Variants in ABHD5 observed in about 807,000 individuals in gnomAD.
ABHD5 encodes abhydrolase domain containing 5, lysophosphatidic acid acyltransferase, also known as 1-acylglycerol-3-phosphate O-acyltransferase ABHD5.
ABHD5 carries 30 observed loss-of-function variants against 44.9 expected under a neutral mutation model. The observed-to-expected ratio is 0.67, with a 90% confidence interval of 0.50 to 0.91. The LOEUF (loss-of-function observed/expected upper bound fraction) is 0.91. ABHD5 is among the 40% of genes least tolerant of loss of function. The pLI, the probability that ABHD5 is intolerant of heterozygous loss-of-function variation, is 0.00. For synonymous variants in ABHD5, 167 were observed against 147.0 expected, an observed-to-expected ratio of 1.14 and a Z score of -0.99; for missense variants, 399 against 423.4, an observed-to-expected ratio of 0.94 and a Z score of 0.50.
At chr3:43,711,297 G>A (rs938253752) in intron 3 of ABHD5, among the ~76,000 whole-genome samples, 1 of 152,192 alleles carries the variant, frequency 6.6e-6, no homozygotes, top group African/African-American at 2.4e-5. Context: ...ATAAGAATGT[G>A]ATATTGATCT....
chr3:43,700,638 A>G (rs372066728), intron 2 of ABHD5, among the ~76,000 whole-genome samples: 1 of 151,836 alleles, frequency 6.6e-6, no homozygotes, highest in Non-Finnish European at 1.5e-5. Context: ...CAGTGGCACA[A>G]TCTCAGCTCA....
At chr3:43,730,413 G>A (rs1165396080) in intron 7 of ABHD5, among the ~76,000 whole-genome samples, 1 of 151,864 alleles carries the variant, frequency 6.6e-6, no homozygotes, top group African/African-American at 2.4e-5. Context: ...TGGACTTCCT[G>A]GATCTGTCTT....
Position 43,702,399 on chromosome 3 carries a change from T to A in ABHD5, c.318T>A (p.Ala106=). 7.4e-6 allele frequency: 12 copies of A among 1,614,234 alleles called. No individual in the cohort carries two copies. The highest frequency in any genetic ancestry group is 1.0e-5 in the Non-Finnish European group (12 of 1,180,050). ...GDLCTNRPVY[A]FDLLGFGRSS... Reference sequence around the variant, plus strand: ...TTTGCACCAACAGACCTGTCTATGCTTTTGACCTATTGGGTTTTGGACGAA... The same window carrying A: ...TTTGCACCAACAGACCTGTCTATGCATTTGACCTATTGGGTTTTGGACGAA... The change falls in exon 3 of 7, where the codon GCT becomes GCA. Residue 106 remains alanine, a synonymous_variant. Coordinates refer to ENST00000644371, the MANE Select transcript of ABHD5 (RefSeq NM_016006.6).
At chr3:43,702,056 A>G in intron 2 of ABHD5, 159 bp from the exon 3 acceptor site, 1 of 662,990 alleles carries the variant, frequency 1.5e-6, no homozygotes, top group Non-Finnish European at 2.5e-6. Context: ...AGGATTATTT[A>G]CTTCAATAAA....
chr3:43,726,914 G>A (rs1186092370), downstream of ABHD5, among the ~76,000 whole-genome samples: 1 of 152,242 alleles, frequency 6.6e-6, no homozygotes, highest in East Asian at 1.9e-4. Context: ...GTGGTTTATC[G>A]GGCAGTTCAT....
intron 1 of ABHD5, among the ~76,000 whole-genome samples, chr3:43,697,650 A>C (rs911407449): frequency 2.6e-5 from 4 of 152,208 alleles, no homozygotes; most frequent in African/African-American, 9.6e-5. Flanking sequence ...ACATGTAATC[A>C]TATGAAATTT....
At chr3:43,690,898 C>T (rs1029601156), upstream of ABHD5, 7 of 1,366,248 alleles carry the variant, frequency 5.1e-6, no homozygotes, top group Non-Finnish European at 6.7e-6. Flanking sequence ...GCGCTGGCGG[C>T]CTGCGCCGCC....
intron 2 of ABHD5, 38 bp from the exon 3 acceptor site, chr3:43,702,177 T>A: frequency 1.9e-6 from 3 of 1,558,758 alleles, no homozygotes; most frequent in Non-Finnish European, 2.6e-6. Flanking sequence ...TCAGAAGTAA[T>A]AAAATGAAAC....
At chr3:43,732,867 A>G (rs769251457) in intron 7 of ABHD5, among the ~76,000 whole-genome samples, 5 of 152,182 alleles carry the variant, frequency 3.3e-5, no homozygotes, top group Admixed American at 1.3e-4. Flanking sequence ...TGAGTGAGGA[A>G]GGACATGCTT....
At chr3:43,709,427 A>C (rs2084661170) in intron 3 of ABHD5, among the ~76,000 whole-genome samples, 1 of 152,270 alleles carries the variant, frequency 6.6e-6, no homozygotes, top group Non-Finnish European at 1.5e-5. Flanking sequence ...AGGCAAAAAC[A>C]GTCACTTACC....
At chr3:43,723,519 CAAT>C (rs147369613), downstream of ABHD5, among the ~76,000 whole-genome samples, 10 of 152,298 alleles carry the variant, frequency 6.6e-5, no homozygotes, top group East Asian at 1.3e-3. Flanking sequence ...GAAAAAGGAA[CAAT>C]GAGACATGCT....
chr3:43,723,096 A>AG (rs1423394274), downstream of ABHD5, among the ~76,000 whole-genome samples: 1 of 152,108 alleles, frequency 6.6e-6, no homozygotes, highest in Non-Finnish European at 1.5e-5. Context: ...GCTAACTTGA[A>AG]GGGGTTTCCA....
At chr3:43,704,165 G>A (rs1231480757) in intron 3 of ABHD5, among the ~76,000 whole-genome samples, 4 of 148,948 alleles carry the variant, frequency 2.7e-5, no homozygotes, top group Non-Finnish European at 4.4e-5. Context: ...TCAGCCTCCC[G>A]AGTAGTTGGG....
In ABHD5 at chr3:43,715,085, C is replaced by CTGTGTGTGTGTGTGTGTG. The variant is rs10662733; in HGVS notation, c.773+45_773+62dup. Reference sequence around the variant, plus strand: ...TGAGGGTTAGGATTCTCAATTCACTCTGTGTGTGTGTGTGTGTGTGTGTGT... The same window carrying CTGTGTGTGTGTGTGTGTG: ...TGAGGGTTAGGATTCTCAATTCACTCTGTGTGTGTGTGTGTGTGTGTGTGTGTGTGTGTGTGTGTGTGT... On this transcript the variant is annotated intron_variant, in intron 5 of 6. Transcript: ENST00000644371. 165 of 846,820 alleles carry CTGTGTGTGTGTGTGTGTG rather than the reference C, an allele frequency of 1.9e-4. 2 individuals are homozygous for CTGTGTGTGTGTGTGTGTG. The African/African-American group carries it at 2.4e-3, about 12-fold the overall frequency. 52.5% of individuals were successfully genotyped at this position (846,820 alleles called of 1,614,324 possible). A position where few individuals can be genotyped will look rare whatever the true frequency, so the allele number is the denominator to read the frequency against.
At chr3:43,691,178 T>G in intron 1 of ABHD5, 139 bp downstream of exon 1, 1 of 833,456 alleles carries the variant, frequency 1.2e-6, no homozygotes, top group Non-Finnish European at 1.6e-6. Context: ...CTCCCCGGCA[T>G]GAGTCCGCGC....
chr3:43,704,647 A>G (rs1333232883), intron 3 of ABHD5, among the ~76,000 whole-genome samples: 3 of 152,214 alleles, frequency 2.0e-5, no homozygotes, highest in African/African-American at 4.8e-5. Flanking sequence ...TGCAATTGTG[A>G]ACTGCTCTAA....
At chr3:43,718,358 AT>A (rs1324265068) in intron 6 of ABHD5, 84 bp from the exon 7 acceptor site, 1 of 1,097,774 alleles carries the variant, frequency 9.1e-7, no homozygotes, top group Non-Finnish European at 1.4e-6. Flanking sequence ...TCTCACTTTT[AT>A]TACTAAGTGT....
At chr3:43,700,771 G>GC in intron 2 of ABHD5, among the ~76,000 whole-genome samples, 1 of 149,528 alleles carries the variant, frequency 6.7e-6, no homozygotes, top group Middle Eastern at 3.4e-3. Flanking sequence ...ATGGGGTTTC[G>GC]CCATGTTGAC....
At chr3:43,691,441 C>T (rs1054994920) in intron 1 of ABHD5, 1 of 160,784 alleles carries the variant, frequency 6.2e-6, no homozygotes, top group African/African-American at 2.4e-5. Context: ...CCGGTCGACC[C>T]TGCACCTGAC....
Sources: gnomAD v4.1 joint callset for allele counts (sites outside exome capture counted in the v4.1 genomes callset) on GRCh38, gnomAD v4.1.1 for gene constraint, MANE v1.5 for transcripts, NCBI Gene and HGNC (gene_info 2026-07-23, HGNC 2026-07-21) for gene names.